The following ZNF385D variants were observed in gnomAD, a reference collection of about 807,000 sequenced individuals.
The protein encoded by ZNF385D is zinc finger protein 659.
In ZNF385D, 15 loss-of-function variants were observed where a neutral mutation model predicts 35.8. That is an observed-to-expected ratio of 0.42 (90% CI 0.28 to 0.64). ZNF385D has a LOEUF of 0.64. Ranked by LOEUF, ZNF385D falls within the 30% of genes least tolerant of loss-of-function variation. The probability of loss-of-function intolerance (pLI) is 0.23; values close to 1 mark genes in which losing one functional copy is unlikely to be tolerated. For synonymous variants in ZNF385D, 212 were observed against 186.8 expected, an observed-to-expected ratio of 1.13 and a Z score of -1.10; for missense variants, 474 against 494.6, an observed-to-expected ratio of 0.96 and a Z score of 0.39.
intron 1 of ZNF385D, among the ~76,000 whole-genome samples, chr3:21,716,764 C>A (rs577360237): frequency 2.0e-5 from 3 of 152,182 alleles, no homozygotes; most frequent in South Asian, 2.1e-4. Flanking sequence ...TAAGTTCTAT[C>A]AGGTTAGAAT....
At chr3:21,612,517 A>G (rs539619231) in intron 2 of ZNF385D, among the ~76,000 whole-genome samples, 2 of 152,316 alleles carry the variant, frequency 1.3e-5, no homozygotes, top group South Asian at 4.1e-4. Context: ...GGGGAAATAT[A>G]TATTTAACTA....
intron 3 of ZNF385D, among the ~76,000 whole-genome samples, chr3:21,946,412 T>C (rs897712228): frequency 2.8e-4 from 42 of 152,282 alleles, no homozygotes; most frequent in African/African-American, 9.6e-4. Flanking sequence ...ATTGCAAAGT[T>C]GAAAATTAAT....
At chr3:21,926,564 T>C (rs1700739796) in intron 3 of ZNF385D, among the ~76,000 whole-genome samples, 2 of 152,172 alleles carry the variant, frequency 1.3e-5, no homozygotes, top group Admixed American at 6.5e-5. Context: ...TTCCAAGTCT[T>C]TGCTATTGTG....
rs78532298 is a variant in ZNF385D, at chr3:21,659,112, C to T, written c.165+5774G>A. On this transcript the variant is annotated intron_variant, in intron 2 of 7. Coordinates refer to ENST00000281523, the MANE Select transcript of ZNF385D (RefSeq NM_024697.3). ...TTCTCTTCTTCTTTCTCAGTGTTAT[C>T]ACTGTCATCGTATTTCTAGTGTCTA... is the stretch of plus-strand genomic sequence containing the variant. Among the ~76,000 whole-genome samples, 158 of 152,096 alleles carry T rather than the reference C, an allele frequency of 1.0e-3. 3 individuals carry two copies. In the East Asian group the frequency reaches 0.028, roughly 27 times the overall value.
intron 3 of ZNF385D, among the ~76,000 whole-genome samples, chr3:22,112,053 A>G (rs547057482): frequency 6.6e-6 from 1 of 152,294 alleles, no homozygotes; most frequent in African/African-American, 2.4e-5. Context: ...GACCACAACA[A>G]AATTTACTTT....
intron 3 of ZNF385D, among the ~76,000 whole-genome samples, chr3:21,832,069 A>G (rs2673532): frequency 0.7 from 100,555 of 143,208 alleles, 34,799 homozygotes; most frequent in Non-Finnish European, 0.77. Context: ...TTTCTAGACA[A>G]TGTTGTTAAA....
chr3:22,034,026 A>T lies in ZNF385D; in HGVS notation c.325+134791T>A, dbSNP rs541111350. Among the ~76,000 whole-genome samples the T allele has an allele frequency of 2.0e-5, 3 of 152,244 alleles. No individual in the cohort carries two copies. The South Asian group carries it at 6.2e-4, about 32-fold the overall frequency. ...AAAACGTAAAGTCCTGCTTTCAGAGAACCCTGTAAGTCCTGAGCAAACCGA... is the reference window on the plus strand; with the variant it reads ...AAAACGTAAAGTCCTGCTTTCAGAGTACCCTGTAAGTCCTGAGCAAACCGA... On this transcript the variant is annotated intron_variant, in intron 3 of 5. Coordinates refer to the ZNF385D transcript ENST00000494108.
chr3:22,137,147 T>C (rs1704185690), intron 3 of ZNF385D, among the ~76,000 whole-genome samples: 1 of 152,126 alleles, frequency 6.6e-6, no homozygotes, highest in South Asian at 2.1e-4. Context: ...TCTTTCTGTG[T>C]TTTTTACTAA....
chr3:21,727,381 C>G (rs1040160299), intron 1 of ZNF385D, among the ~76,000 whole-genome samples: 2 of 152,232 alleles, frequency 1.3e-5, no homozygotes, highest in South Asian at 2.1e-4. Flanking sequence ...TCAGAGGGAA[C>G]AGGCAACCTA....
chr3:22,053,310 C>CA (rs1699367383), intron 3 of ZNF385D, among the ~76,000 whole-genome samples: 1 of 58,224 alleles, frequency 1.7e-5, no homozygotes. Context: ...AAAAACCCTT[C>CA]AAAAAATCAA....
intron 3 of ZNF385D, among the ~76,000 whole-genome samples, chr3:21,854,660 C>T (rs570688173): frequency 6.6e-6 from 1 of 151,946 alleles, no homozygotes; most frequent in East Asian, 1.9e-4. Flanking sequence ...TTTATTATTT[C>T]TTATCTGTCT....
intron 3 of ZNF385D, among the ~76,000 whole-genome samples, chr3:21,911,731 T>C (rs1421734862): frequency 1.3e-5 from 2 of 151,966 alleles, no homozygotes; most frequent in African/African-American, 2.4e-5. Flanking sequence ...CAAAAACTTA[T>C]TTTATTAAAG....
chr3:21,813,671 G>A (rs909213396), intron 3 of ZNF385D, among the ~76,000 whole-genome samples: 1 of 151,492 alleles, frequency 6.6e-6, no homozygotes, highest in Non-Finnish European at 1.5e-5. Context: ...AAAAAGAAAT[G>A]AACAAAGCCT....
chr3:21,751,637 T>C (rs780695210), upstream of ZNF385D, among the ~76,000 whole-genome samples: 8 of 152,198 alleles, frequency 5.3e-5, no homozygotes, highest in East Asian at 1.9e-4. Flanking sequence ...TTTTTTGTGA[T>C]GTTTATATAT....
intron 3 of ZNF385D, among the ~76,000 whole-genome samples, chr3:21,879,591 C>G (rs1477927898): frequency 2.0e-5 from 3 of 151,942 alleles, no homozygotes; most frequent in African/African-American, 7.2e-5. Flanking sequence ...CCTCACACAT[C>G]CTAAATACAA....
chr3:22,106,867 G>A (rs1702240875), intron 3 of ZNF385D, among the ~76,000 whole-genome samples: 1 of 151,986 alleles, frequency 6.6e-6, no homozygotes, highest in African/African-American at 2.4e-5. Context: ...TGTGATTTGG[G>A]CACTCATTCT....
chr3:22,277,327 A>T (rs892382184), intron 2 of ZNF385D, among the ~76,000 whole-genome samples: 5 of 152,088 alleles, frequency 3.3e-5, no homozygotes, highest in Non-Finnish European at 5.9e-5. Flanking sequence ...AACCTAAAAG[A>T]ATCCCTAGAC....
chr3:21,894,943 G>A (rs1026169195), intron 3 of ZNF385D, among the ~76,000 whole-genome samples: 1 of 152,036 alleles, frequency 6.6e-6, no homozygotes, highest in Non-Finnish European at 1.5e-5. Flanking sequence ...TTTATAAACA[G>A]CAAAAATCAC....
intron 3 of ZNF385D, among the ~76,000 whole-genome samples, chr3:21,856,764 A>G (rs1264615039): frequency 6.6e-6 from 1 of 152,086 alleles, no homozygotes; most frequent in Non-Finnish European, 1.5e-5. Context: ...CTGAGAAGAC[A>G]CGTGAGGAAC....
Sources: allele counts gnomAD v4.1 joint callset (sites outside exome capture counted in the v4.1 genomes callset), GRCh38; gene constraint gnomAD v4.1.1; transcripts MANE v1.5; gene names NCBI Gene and HGNC (gene_info 2026-07-23, HGNC 2026-07-21).